XPNPEP1: variants seen among roughly 807,000 people sequenced by gnomAD.
XPNPEP1 encodes the protein xaa-Pro aminopeptidase 1.
A neutral mutation model predicts 92.4 loss-of-function variants in XPNPEP1; 39 were observed. The observed-to-expected ratio is 0.42, with a 90% confidence interval of 0.33 to 0.55. XPNPEP1 has a LOEUF of 0.55. XPNPEP1 is among the 20% of genes least tolerant of loss of function. The pLI, the probability that XPNPEP1 is intolerant of heterozygous loss-of-function variation, is 0.08. For missense variants in XPNPEP1, 654 were observed against 856.1 expected (o/e 0.76, Z 2.95); for synonymous variants, 307 against 299.4 (o/e 1.03, Z -0.26).
At chr10:109,873,658 T>C (rs185227814) in intron 15 of XPNPEP1, 1 of 529,654 alleles carries the variant, frequency 1.9e-6, no homozygotes, top group Non-Finnish European at 3.4e-6. Flanking sequence ...AAAACATACA[T>C]CCACACAAAA....
chr10:109,871,810 A>G lies in XPNPEP1; in HGVS notation c.1504T>C (p.Phe502Leu). ...KGHIAVSAAV[F>L]PTGTKGHLLD... ...CACCTACCTTTGGTTCCAGTCGGGA[A>G]AACGGCTGCACTCACAGCTATGTGG... The change falls in exon 17 of 21, where the codon TTC becomes CTC. Residue 502 changes from phenylalanine to leucine, a missense_variant. Coordinates refer to ENST00000502935, the MANE Select transcript of XPNPEP1 (RefSeq NM_020383.4). 9 of 1,614,152 alleles carry G rather than the reference A, an allele frequency of 5.6e-6. No homozygotes were observed. The highest frequency in any genetic ancestry group is 7.6e-6 in the Non-Finnish European group (9 of 1,180,010).
At chr10:109,875,828 G>A (rs1156953556) in intron 14 of XPNPEP1, 8 of 407,272 alleles carry the variant, frequency 2.0e-5, no homozygotes, top group South Asian at 3.5e-5. Flanking sequence ...GCTCAACAAA[G>A]GAAAAGTAAC....
intron 2 of XPNPEP1, among the ~76,000 whole-genome samples, chr10:109,911,805 T>C (rs1342772981): frequency 6.6e-6 from 1 of 152,210 alleles, no homozygotes. Flanking sequence ...TCTAATATAC[T>C]TTCTTTCAAG....
Position 109,921,614 on chromosome 10 carries a change from G to T in XPNPEP1, c.32+1788C>A, listed in dbSNP as rs531435872. On this transcript the variant is annotated intron_variant, in intron 1 of 20. Transcript: ENST00000502935. ...AATCACACCTAGTGGATGAGACAAG[G>T]GTAAACTGGAACAAGTTCTAAGGTT... Among the ~76,000 whole-genome samples the T allele has an allele frequency of 3.3e-5, 5 of 152,302 alleles. No homozygotes were observed. In the South Asian group the frequency reaches 1.0e-3, roughly 32 times the overall value.
At chr10:109,907,371 G>A (rs940327116) in intron 3 of XPNPEP1, among the ~76,000 whole-genome samples, 1 of 152,230 alleles carries the variant, frequency 6.6e-6, no homozygotes. Context: ...GCAAAAGAGA[G>A]ACAGGGCAAA....
intron 12 of XPNPEP1, 82 bp downstream of exon 12, chr10:109,880,103 GCAT>G: frequency 7.4e-7 from 1 of 1,359,386 alleles, no homozygotes; most frequent in Non-Finnish European, 1.0e-6. Flanking sequence ...GGTCAGCAGA[GCAT>G]GGGAGATGCT....
At chr10:109,908,993 G>A (rs914736264) in intron 2 of XPNPEP1, among the ~76,000 whole-genome samples, 11 of 152,168 alleles carry the variant, frequency 7.2e-5, no homozygotes, top group East Asian at 5.8e-4. Context: ...GGGAGTGGCC[G>A]GGTGCGGTGG....
chr10:109,865,024 AATATC>A lies in XPNPEP1; in HGVS notation c.*155_*159del. ...ATAAAAGACTGAGTGTTTGCAATAA[AATATC>A]AAAGAGGATAAGAAGATTTTCTGTT... On this transcript the variant is annotated 3_prime_UTR_variant, in exon 21 of 21. Transcript: ENST00000502935. 1 of 1,043,328 alleles carries A rather than the reference AATATC, an allele frequency of 9.6e-7. No homozygotes were observed. The highest frequency in any genetic ancestry group is 1.4e-6 in the Non-Finnish European group (1 of 731,924). 64.6% of individuals were successfully genotyped at this position (1,043,328 alleles called of 1,614,324 possible).
At chr10:109,870,125 A>C (rs1353350631) in intron 18 of XPNPEP1, 96 bp from the exon 19 acceptor site, 2 of 1,365,906 alleles carry the variant, frequency 1.5e-6, no homozygotes, top group African/African-American at 2.9e-5. Flanking sequence ...CCTACTCCAA[A>C]GGAGAAGAAA....
chr10:109,890,079 A>C (rs770412983), intron 5 of XPNPEP1, among the ~76,000 whole-genome samples: 8 of 152,202 alleles, frequency 5.3e-5, no homozygotes, highest in Non-Finnish European at 1.2e-4. Context: ...TCACTGGCCA[A>C]CCAAACCCAC....
intron 15 of XPNPEP1, chr10:109,873,633 T>C (rs1847610709): frequency 3.7e-6 from 2 of 534,668 alleles, no homozygotes; most frequent in South Asian, 2.9e-5. Flanking sequence ...CCTAGTTATA[T>C]ATCCAAGAGA....
intron 19 of XPNPEP1, 155 bp downstream of exon 19, chr10:109,869,798 T>A: frequency 1.5e-6 from 1 of 688,066 alleles, no homozygotes; most frequent in South Asian, 2.0e-5. Context: ...AATGGCATAC[T>A]CTTGGCTCCA....
chr10:109,915,065 T>C lies in XPNPEP1; in HGVS notation c.67A>G (p.Arg23Gly). The change falls in exon 2 of 21, where the codon AGA becomes GGA. Residue 23 changes from arginine to glycine, a missense_variant. Arg to Gly is a moderately radical substitution (Grantham distance 125). Coordinates refer to ENST00000502935, the MANE Select transcript of XPNPEP1 (RefSeq NM_020383.4). The stretch of plus-strand genomic sequence containing the variant: ...GTCACCTCGTTAGGTTCAATTATTC[T>C]TAAATTTCTCAGTTGAAAATCCTGG... Reference protein sequence around the residue: ...NHQDFQLRNLRIIEPNEVTHS... With the variant: ...NHQDFQLRNLGIIEPNEVTHS... The C allele has an allele frequency of 2.0e-6, 3 of 1,529,882 alleles. No individual in the cohort carries two copies. The highest frequency in any genetic ancestry group is 2.6e-6 in the Non-Finnish European group (3 of 1,142,738). The allele number at this position is 1,529,882 out of a possible 1,614,324, so 94.8% of individuals were successfully genotyped here.
At chr10:109,873,591 A>T in intron 15 of XPNPEP1, 164 bp from the exon 16 acceptor site, 2 of 710,198 alleles carry the variant, frequency 2.8e-6, no homozygotes, top group Non-Finnish European at 4.8e-6. Flanking sequence ...AAAAGGTTAA[A>T]TATAGTCACC....
chr10:109,891,799 G>A lies in XPNPEP1; in HGVS notation c.338C>T (p.Ala113Val). The change falls in exon 5 of 21, where the codon GCA becomes GTA. Residue 113 changes from alanine to valine, a missense_variant. Coordinates refer to ENST00000502935, the MANE Select transcript of XPNPEP1 (RefSeq NM_020383.4). ...AGTAIITEEH[A>V]AMWTDGRYFL... ...GTAGCGCCCGTCAGTCCACATGGCT[G>A]CATGCTCTTCTGTGATGATGGCTGT... 1.9e-6 allele frequency: 3 copies of A among 1,608,330 alleles called. No homozygotes were observed. The highest frequency in any genetic ancestry group is 2.5e-6 in the Non-Finnish European group (3 of 1,178,414).
chr10:109,870,127 G>C, intron 18 of XPNPEP1, 98 bp from the exon 19 acceptor site: 1 of 1,332,784 alleles, frequency 7.5e-7, no homozygotes, highest in Non-Finnish European at 1.0e-6. Context: ...TACTCCAAAG[G>C]AGAAGAAACG....
At chr10:109,922,936 G>C (rs1001079751) in intron 1 of XPNPEP1, among the ~76,000 whole-genome samples, 2 of 152,320 alleles carry the variant, frequency 1.3e-5, no homozygotes, top group African/African-American at 2.4e-5. Context: ...TCCTTGTGGC[G>C]GTGACAGATC....
In XPNPEP1 at chr10:109,870,792, G is replaced by A. The variant is rs143796899; in HGVS notation, c.1635C>T (p.Cys545=). 8.1e-6 allele frequency: 13 copies of A among 1,613,942 alleles called. No homozygotes were observed. Among genetic ancestry groups the A allele is most frequent in the African/African-American group, 1.3e-5 (1 of 74,874 alleles). The change falls in exon 18 of 21, where the codon TGC becomes TGT. Residue 545 remains cysteine, a synonymous_variant. Transcript: ENST00000502935. Reference sequence around the variant, plus strand: ...CAGAGAATGTTTTGTAACTGATGCCGCAAGGACCCTCATGGACATTCAAAA... The same window carrying A: ...CAGAGAATGTTTTGTAACTGATGCCACAAGGACCCTCATGGACATTCAAAA... ...GSFLNVHEGP[C]GISYKTFSDE...
chr10:109,881,745 C>T (rs531918224), intron 10 of XPNPEP1, among the ~76,000 whole-genome samples: 20 of 152,308 alleles, frequency 1.3e-4, no homozygotes, highest in African/African-American at 4.8e-4. Flanking sequence ...AGTAGAAAAG[C>T]CTACCTCTAA....
Sources: gnomAD v4.1 joint callset for allele counts (sites outside exome capture counted in the v4.1 genomes callset) on GRCh38, gnomAD v4.1.1 for gene constraint, MANE v1.5 for transcripts, NCBI Gene and HGNC (gene_info 2026-07-23, HGNC 2026-07-21) for gene names.